The following HIBCH variants were observed in gnomAD, a reference collection of about 807,000 sequenced individuals.
HIBCH encodes the protein 3-hydroxyisobutyryl-CoA hydrolase, mitochondrial.
Under a neutral mutation model 58.2 loss-of-function variants are expected in HIBCH, and 50 were observed. That is an observed-to-expected ratio of 0.86 (90% CI 0.68 to 1.09). HIBCH has a LOEUF of 1.09. Ranked by LOEUF, HIBCH falls within the 50% of genes least tolerant of loss-of-function variation. The pLI, the probability that HIBCH is intolerant of heterozygous loss-of-function variation, is 0.00. For synonymous variants in HIBCH, 151 were observed against 146.9 expected (o/e 1.03, Z -0.20); for missense variants, 450 against 449.7 (o/e 1.00, Z -0.01).
rs140342065 is a variant in HIBCH at position 190,294,586 on chromosome 2, T to G, written c.264A>C (p.Gly88=). The G allele has an allele frequency of 6.2e-7, 1 of 1,612,848 alleles. No individual in the cohort carries two copies. The highest frequency in any genetic ancestry group is 1.3e-5 in the African/African-American group (1 of 75,010). ...CGGCACAGAAAGCCTTTCCTCCTGC[T>G]CCCTTTATAATGATCAGGAAAGTTT... The part of the protein sequence containing the change: ...DPETFLIIIK[G]AGGKAFCAGG... The change falls in exon 4 of 14, where the codon GGA becomes GGC. Residue 88 remains glycine (G), a synonymous_variant. Transcript: ENST00000359678.
At position 190,209,492 on chromosome 2, in the gene HIBCH, A is replaced by G. The variant is rs1296187218; in HGVS notation, c.1012-579T>C. 6.6e-6 allele frequency among the ~76,000 whole-genome samples: 1 copy of G among 152,196 alleles called. No individual in the cohort carries two copies. The highest frequency in any genetic ancestry group is 1.5e-5 in the Non-Finnish European group (1 of 68,022). On this transcript the variant is annotated intron_variant, in intron 12 of 13. Transcript: ENST00000359678. This position sits in a 1 kb window ranked among gnomAD's most constrained non-coding sequence, Gnocchi z 5.6. ...GATTTTAAGTGTTTTCTGCCTTCTC[A>G]ACCTCTACCCGTAGAGCACACTCTT...
intron 6 of HIBCH, among the ~76,000 whole-genome samples, chr2:190,286,552 C>G (rs1687830855): frequency 6.6e-6 from 1 of 152,200 alleles, no homozygotes; most frequent in Non-Finnish European, 1.5e-5. Flanking sequence ...AATTCACCAT[C>G]TTCTCCATGC....
At chr2:190,292,705 G>C (rs1045869481) in intron 4 of HIBCH, among the ~76,000 whole-genome samples, 5 of 152,152 alleles carry the variant, frequency 3.3e-5, no homozygotes, top group African/African-American at 9.7e-5. Flanking sequence ...AACAAAAAAT[G>C]ACTATCTTTG....
At chr2:190,224,928 C>T (rs1685844297) in intron 11 of HIBCH, among the ~76,000 whole-genome samples, 1 of 152,180 alleles carries the variant, frequency 6.6e-6, no homozygotes, top group Non-Finnish European at 1.5e-5. Context: ...GTCTCTCAGA[C>T]CACAGTGCAA....
chr2:190,225,355 A>C (rs1264680911), intron 11 of HIBCH, among the ~76,000 whole-genome samples: 2 of 152,212 alleles, frequency 1.3e-5, no homozygotes, highest in African/African-American at 4.8e-5. Flanking sequence ...AAGATCAACA[A>C]AATTGATAGA....
intron 4 of HIBCH, 51 bp downstream of exon 4, chr2:190,294,495 T>A: frequency 8.8e-7 from 1 of 1,130,892 alleles, no homozygotes; most frequent in Non-Finnish European, 1.3e-6. Flanking sequence ...CAATACTTGA[T>A]CAGTTCTAGT....
chr2:190,307,415 T>A (rs1422567662), intron 2 of HIBCH, among the ~76,000 whole-genome samples: 1 of 152,238 alleles, frequency 6.6e-6, no homozygotes, highest in African/African-American at 2.4e-5. Flanking sequence ...CTCACACCTA[T>A]CATTCTAGCA....
chr2:190,261,876 C>A (rs1687095942), intron 6 of HIBCH, among the ~76,000 whole-genome samples: 1 of 152,164 alleles, frequency 6.6e-6, no homozygotes, highest in Non-Finnish European at 1.5e-5. Context: ...CTAAGGGAAT[C>A]TGCTCTGCCC....
At chr2:190,251,845 T>C (rs1686782412) in intron 8 of HIBCH, among the ~76,000 whole-genome samples, 1 of 152,166 alleles carries the variant, frequency 6.6e-6, no homozygotes, top group African/African-American at 2.4e-5. Context: ...TATATAAATT[T>C]AGATTTGTAC....
At chr2:190,297,988 C>T (rs1575758218) in intron 2 of HIBCH, among the ~76,000 whole-genome samples, 1 of 138,636 alleles carries the variant, frequency 7.2e-6, no homozygotes, top group Non-Finnish European at 1.5e-5. Context: ...TCCCACTTAT[C>T]AGTGAGAACA....
downstream of HIBCH, chr2:190,200,780 C>CTT (rs1690211152): frequency 6.0e-6 from 1 of 167,574 alleles, no homozygotes; most frequent in South Asian, 2.1e-4. Context: ...CTAAAGCCAT[C>CTT]TTAGAGATAA....
At chr2:190,251,333 G>A (rs1022688350) in intron 8 of HIBCH, among the ~76,000 whole-genome samples, 1 of 152,070 alleles carries the variant, frequency 6.6e-6, no homozygotes, top group African/African-American at 2.4e-5. Flanking sequence ...ACAGATTGAA[G>A]GACAGAGTGT....
chr2:190,223,674 A>G (rs1199284271), intron 11 of HIBCH, among the ~76,000 whole-genome samples: 1 of 152,248 alleles, frequency 6.6e-6, no homozygotes, highest in Non-Finnish European at 1.5e-5. Context: ...GAGAGCATGG[A>G]AAGGGCTATT....
rs767289004 is a variant in HIBCH at position 190,296,924 on chromosome 2, T to C, written c.108A>G (p.Glu36=). The C allele has an allele frequency of 2.5e-6, 4 of 1,614,042 alleles. No homozygotes were observed. Among genetic ancestry groups the C allele is most frequent in the Non-Finnish European group, 2.5e-6 (3 of 1,179,990 alleles). The change falls in exon 3 of 14, where the codon GAA becomes GAG. Residue 36 remains glutamate (E), a synonymous_variant. Coordinates refer to ENST00000359678, the MANE Select transcript of HIBCH (RefSeq NM_014362.4). ...AACCTTTTTTTTCCAATAGCACCTC[T>C]TCTGCTGCATCTGTGTGCTTGGACA... The part of the protein sequence containing the change: ...LRMSKHTDAA[E]EVLLEKKGCT...
intron 2 of HIBCH, among the ~76,000 whole-genome samples, chr2:190,302,915 A>G (rs2136570): frequency 0.72 from 110,169 of 152,178 alleles, 40,369 homozygotes; most frequent in Non-Finnish European, 0.75. Context: ...ACTGTACATC[A>G]ACAGTGTACT....
Position 190,304,254 on chromosome 2 carries a change from A to T in HIBCH, c.78+6500T>A, listed in dbSNP as rs1408807037. On this transcript the variant is annotated intron_variant, in intron 2 of 13. Transcript: ENST00000359678. The surrounding 1 kb of genome is among the most constrained non-coding windows in gnomAD (Gnocchi z 4.1). ...ATACCTGAAACTGTGTAATTTGTTA[A>T]AAAAAAAAAAAAAAAGGAATTTATT... Among the ~76,000 whole-genome samples the T allele has an allele frequency of 5.0e-4, 4 of 8,040 alleles. No homozygotes were observed. Among genetic ancestry groups the T allele is most frequent in the South Asian group, 5.7e-3 (1 of 176 alleles). 5.3% of individuals were successfully genotyped at this position (8,040 alleles called of 152,430 possible).
At position 190,304,314 on chromosome 2, in the gene HIBCH, C is replaced by T. The variant is rs1485357762; in HGVS notation, c.78+6440G>A. Among the ~76,000 whole-genome samples the T allele has an allele frequency of 6.6e-6, 1 of 150,936 alleles. No individual in the cohort carries two copies. Among genetic ancestry groups the T allele is most frequent in the African/African-American group, 2.4e-5 (1 of 40,960 alleles). ...AGTTATGGAGGCTGATGTCCAAAGT[C>T]AAAAGGATACATCTAGTGAGGGCCT... On this transcript the variant is annotated intron_variant, in intron 2 of 13. Transcript: ENST00000359678. This position sits in a 1 kb window ranked among gnomAD's most constrained non-coding sequence, Gnocchi z 4.1.
chr2:190,230,780 C>T (rs7602400), intron 11 of HIBCH, among the ~76,000 whole-genome samples: 45,297 of 152,120 alleles, frequency 0.3, 7,560 homozygotes, highest in East Asian at 0.46. Flanking sequence ...AAATTTGTAT[C>T]TTAAATTTAT....
chr2:190,248,398 T>C (rs1686671699), intron 9 of HIBCH, among the ~76,000 whole-genome samples: 1 of 152,134 alleles, frequency 6.6e-6, no homozygotes, highest in Non-Finnish European at 1.5e-5. Flanking sequence ...GCAAGCCAAC[T>C]AGGGAAAAGG....
Sources: allele counts gnomAD v4.1 joint callset (sites outside exome capture counted in the v4.1 genomes callset), GRCh38; gene constraint gnomAD v4.1.1; non-coding constraint Gnocchi (gnomAD v3.1); transcripts MANE v1.5; gene names NCBI Gene and HGNC (gene_info 2026-07-23, HGNC 2026-07-21).